GRXCR1: variants seen among roughly 807,000 people sequenced by gnomAD.
GRXCR1 encodes the protein glutaredoxin domain-containing cysteine-rich protein 1.
GRXCR1 carries 27 observed loss-of-function variants against 27.3 expected under a neutral mutation model. The ratio of observed to expected loss-of-function variants is 0.99; its 90% CI spans 0.73 to 1.37. The LOEUF is 1.37. GRXCR1 is among the 40% of genes most tolerant of loss of function. The pLI is 0.00. For synonymous variants in GRXCR1, 122 were observed against 131.1 expected, an observed-to-expected ratio of 0.93 and a Z score of 0.47; for missense variants, 379 against 354.4, an observed-to-expected ratio of 1.07 and a Z score of -0.56.
At chr4:43,010,730 A>G (rs1712723009) in intron 2 of GRXCR1, among the ~76,000 whole-genome samples, 2 of 152,154 alleles carry the variant, frequency 1.3e-5, no homozygotes, top group Non-Finnish European at 2.9e-5. Flanking sequence ...CTTATTTAAA[A>G]AAGATTTAAA....
At chr4:43,028,485 T>C (rs1036890397) in intron 3 of GRXCR1, among the ~76,000 whole-genome samples, 39 of 152,234 alleles carry the variant, frequency 2.6e-4, no homozygotes, top group African/African-American at 9.4e-4. Flanking sequence ...AGGTCCTTAC[T>C]GTAGGACCTT....
chr4:42,976,284 G>A (rs1201022113), intron 2 of GRXCR1, among the ~76,000 whole-genome samples: 1 of 151,954 alleles, frequency 6.6e-6, no homozygotes, highest in African/African-American at 2.4e-5. Flanking sequence ...AGCTTGAGGA[G>A]CCCATTAACC....
chr4:42,967,053 T>C (rs2109777303), intron 2 of GRXCR1, among the ~76,000 whole-genome samples: 1 of 152,224 alleles, frequency 6.6e-6, no homozygotes, highest in Non-Finnish European at 1.5e-5. Context: ...TTAATGAAGT[T>C]CACTTTGTCA....
intron 2 of GRXCR1, among the ~76,000 whole-genome samples, chr4:42,978,986 G>A (rs1748587700): frequency 6.6e-6 from 1 of 152,008 alleles, no homozygotes; most frequent in Non-Finnish European, 1.5e-5. Context: ...GCCTTGTGAA[G>A]AAGGTGCCTT....
rs112382540 is a variant in GRXCR1 at position 43,000,868 on chromosome 4, C to T, written c.628-19486C>T. 4.3e-3 allele frequency among the ~76,000 whole-genome samples: 650 copies of T among 152,114 alleles called. 2 individuals are homozygous for T. The highest frequency in any genetic ancestry group is 0.015 in the African/African-American group (611 of 41,492). Reference sequence around the variant, plus strand: ...ATATTACCAATTCGTATATTTTTAGCCGTATACTTGGACTGTATTTATAGC... The same window carrying T: ...ATATTACCAATTCGTATATTTTTAGTCGTATACTTGGACTGTATTTATAGC... On this transcript the variant is annotated intron_variant, in intron 2 of 3. Coordinates refer to ENST00000399770, the MANE Select transcript of GRXCR1 (RefSeq NM_001080476.3).
At position 43,030,224 on chromosome 4, in the gene GRXCR1, G is replaced by A. The variant is rs988403780; in HGVS notation, c.694-137G>A. 1.1e-4 allele frequency: 85 copies of A among 741,112 alleles called. 1 individual carries two copies. Among genetic ancestry groups the A allele is most frequent in the Non-Finnish European group, 9.7e-5 (41 of 421,096 alleles). 45.9% of individuals were successfully genotyped at this position (741,112 alleles called of 1,614,324 possible). On this transcript the variant is annotated intron_variant, in intron 3 of 3. Transcript: ENST00000399770. ...TGGGTGTAATGTGTATTAATGGTAGGTGAATTCAAGTGTATAGCCATATTA... is the reference window on the plus strand; with the variant it reads ...TGGGTGTAATGTGTATTAATGGTAGATGAATTCAAGTGTATAGCCATATTA...
chr4:42,977,007 A>G (rs565263252), intron 2 of GRXCR1, among the ~76,000 whole-genome samples: 10 of 151,848 alleles, frequency 6.6e-5, no homozygotes, highest in African/African-American at 1.9e-4. Flanking sequence ...CCACCATTCT[A>G]CTCTCTACTT....
At chr4:42,933,164 G>A (rs1168468902) in intron 1 of GRXCR1, among the ~76,000 whole-genome samples, 1 of 151,938 alleles carries the variant, frequency 6.6e-6, no homozygotes, top group Non-Finnish European at 1.5e-5. Flanking sequence ...CACATCCCAT[G>A]TCTAATGCTC....
At chr4:42,965,351 G>T (rs1224691914) in intron 2 of GRXCR1, among the ~76,000 whole-genome samples, 2 of 151,636 alleles carry the variant, frequency 1.3e-5, no homozygotes, top group African/African-American at 4.8e-5. Flanking sequence ...CTTCTTTTTT[G>T]CTTATAAAAG....
chr4:43,010,933 C>T lies in GRXCR1; in HGVS notation c.628-9421C>T, dbSNP rs914306246. On this transcript the variant is annotated intron_variant, in intron 2 of 3. Coordinates refer to ENST00000399770, the MANE Select transcript of GRXCR1 (RefSeq NM_001080476.3). ...TGCTACATGATAGAAATATTTTTCTCTTTGAAAAGTGAGGTTTTGAGGGGT... is the reference window on the plus strand; with the variant it reads ...TGCTACATGATAGAAATATTTTTCTTTTTGAAAAGTGAGGTTTTGAGGGGT... Among the ~76,000 whole-genome samples, 10 of 152,094 alleles carry T rather than the reference C, an allele frequency of 6.6e-5. No individual in the cohort carries two copies. In the East Asian group the frequency reaches 1.9e-3, roughly 29 times the overall value.
At chr4:43,016,395 A>G (rs1182074393) in intron 2 of GRXCR1, among the ~76,000 whole-genome samples, 1 of 152,136 alleles carries the variant, frequency 6.6e-6, no homozygotes, top group Non-Finnish European at 1.5e-5. Flanking sequence ...TATTCTTGCT[A>G]AAGATAAAAA....
intron 1 of GRXCR1, among the ~76,000 whole-genome samples, chr4:42,922,802 T>C (rs1747046823): frequency 6.6e-6 from 1 of 152,072 alleles, no homozygotes; most frequent in Non-Finnish European, 1.5e-5. Context: ...CTTTTGCTGC[T>C]GGAATTTTCT....
At chr4:42,935,678 A>G (rs770315396) in intron 1 of GRXCR1, among the ~76,000 whole-genome samples, 2 of 151,924 alleles carry the variant, frequency 1.3e-5, no homozygotes, top group Admixed American at 1.3e-4. Flanking sequence ...AACGAAGGAT[A>G]AACAGGCTGT....
At chr4:43,010,228 C>G (rs1379994840) in intron 2 of GRXCR1, among the ~76,000 whole-genome samples, 1 of 151,936 alleles carries the variant, frequency 6.6e-6, no homozygotes, top group Non-Finnish European at 1.5e-5. Flanking sequence ...ATGGTGAAAC[C>G]CTGCCTCTAC....
At chr4:42,940,962 T>C (rs1006960112) in intron 1 of GRXCR1, among the ~76,000 whole-genome samples, 3 of 152,084 alleles carry the variant, frequency 2.0e-5, no homozygotes, top group Admixed American at 6.6e-5. Context: ...ATAACATGAA[T>C]ATATTTAATC....
At chr4:43,012,249 T>C (rs903437328) in intron 2 of GRXCR1, among the ~76,000 whole-genome samples, 17 of 152,218 alleles carry the variant, frequency 1.1e-4, no homozygotes, top group Non-Finnish European at 2.2e-4. Context: ...TTATGTATTC[T>C]ACAGTTTAGC....
At chr4:42,991,083 T>C (rs991847546) in intron 2 of GRXCR1, among the ~76,000 whole-genome samples, 1 of 152,156 alleles carries the variant, frequency 6.6e-6, no homozygotes, top group African/African-American at 2.4e-5. Flanking sequence ...GTTTAGTTAA[T>C]GCATTTGACT....
chr4:42,940,472 A>G (rs1375450189), intron 1 of GRXCR1, among the ~76,000 whole-genome samples: 3 of 152,086 alleles, frequency 2.0e-5, no homozygotes, highest in African/African-American at 7.2e-5. Context: ...GGGAGCAACA[A>G]CTTTCAACCT....
chr4:42,956,769 A>G (rs1748013781), intron 1 of GRXCR1, among the ~76,000 whole-genome samples: 1 of 152,058 alleles, frequency 6.6e-6, no homozygotes, highest in African/African-American at 2.4e-5. Context: ...AGAATATGCT[A>G]CTAATGGCCC....
Sources: gnomAD v4.1 joint callset for allele counts (sites outside exome capture counted in the v4.1 genomes callset) on GRCh38, gnomAD v4.1.1 for gene constraint, MANE v1.5 for transcripts, NCBI Gene and HGNC (gene_info 2026-07-23, HGNC 2026-07-21) for gene names.